LRRC4C: variants seen among roughly 807,000 people sequenced by gnomAD.
LRRC4C encodes leucine-rich repeat-containing protein 4C.
LRRC4C carries 5 observed loss-of-function variants against 33.6 expected under a neutral mutation model. The observed-to-expected ratio is 0.15, with a 90% CI of 0.08 to 0.31. The LOEUF (loss-of-function observed/expected upper bound fraction) is 0.31. Ranked by LOEUF, LRRC4C falls within the 10% of genes least tolerant of loss-of-function variation. The pLI, the probability that LRRC4C is intolerant of heterozygous loss-of-function variation, is 1.00. For synonymous variants in LRRC4C, 329 were observed against 302.0 expected, an observed-to-expected ratio of 1.09 and a Z score of -0.93; for missense variants, 560 against 796.7, an observed-to-expected ratio of 0.70 and a Z score of 3.58.
At chr11:40,796,457 C>T (rs190125693) in intron 2 of LRRC4C, among the ~76,000 whole-genome samples, 1 of 152,112 alleles carries the variant, frequency 6.6e-6, no homozygotes, top group East Asian at 1.9e-4. Flanking sequence ...CCACTTTAGC[C>T]AGATTCTGAA....
intron 2 of LRRC4C, among the ~76,000 whole-genome samples, chr11:40,914,859 T>C (rs1173375663): frequency 6.6e-6 from 1 of 152,158 alleles, no homozygotes; most frequent in African/African-American, 2.4e-5. Flanking sequence ...AGTCTCAGGA[T>C]ACAAAATCAA....
chr11:41,450,930 T>C (rs887751210), intron 1 of LRRC4C, among the ~76,000 whole-genome samples: 3 of 152,118 alleles, frequency 2.0e-5, no homozygotes, highest in Non-Finnish European at 4.4e-5. Context: ...CAACCACAAA[T>C]TCCTCAGGGA....
intron 1 of LRRC4C, among the ~76,000 whole-genome samples, chr11:41,004,628 T>C (rs1854607107): frequency 6.6e-6 from 1 of 152,182 alleles, no homozygotes; most frequent in Non-Finnish European, 1.5e-5. Flanking sequence ...CACATCACCA[T>C]GACCTACATA....
chr11:40,749,584 C>A (rs1948588411), intron 2 of LRRC4C, among the ~76,000 whole-genome samples: 1 of 146,962 alleles, frequency 6.8e-6, no homozygotes. Flanking sequence ...CAAGAATAAA[C>A]CAAAGCCAAA....
At chr11:40,963,098 G>C (rs1851084277) in intron 1 of LRRC4C, among the ~76,000 whole-genome samples, 1 of 151,676 alleles carries the variant, frequency 6.6e-6, no homozygotes, top group South Asian at 2.1e-4. Context: ...GGAGTGATCA[G>C]ATTGCAGTCT....
In LRRC4C at chr11:40,362,341, G is replaced by C. The variant is rs138973701; in HGVS notation, c.-269-42620C>G. On this transcript the variant is annotated intron_variant, in intron 3 of 6. Coordinates refer to ENST00000528697, the MANE Select transcript of LRRC4C (RefSeq NM_001258419.2). ...TAAACAGACAACCTATAGAATGGTAGAAAAAAATTTGCAAATTATACATCT... is the reference window on the plus strand; with the variant it reads ...TAAACAGACAACCTATAGAATGGTACAAAAAAATTTGCAAATTATACATCT... Among the ~76,000 whole-genome samples the C allele has an allele frequency of 9.0e-4, 137 of 151,876 alleles. No homozygotes were observed. In the Middle Eastern group the frequency reaches 0.01, roughly 11 times the overall value.
chr11:41,059,420 G>A (rs1026019987), intron 1 of LRRC4C, among the ~76,000 whole-genome samples: 1 of 151,828 alleles, frequency 6.6e-6, no homozygotes, highest in Non-Finnish European at 1.5e-5. Flanking sequence ...TCCAGAAGAT[G>A]GCTGATAGAT....
At chr11:41,187,547 G>A (rs1326133692) in intron 1 of LRRC4C, among the ~76,000 whole-genome samples, 1 of 152,112 alleles carries the variant, frequency 6.6e-6, no homozygotes, top group East Asian at 1.9e-4. Flanking sequence ...CTTGCTGAGA[G>A]CTACTGCTCA....
intron 1 of LRRC4C, among the ~76,000 whole-genome samples, chr11:41,427,252 G>C (rs1207769508): frequency 6.6e-6 from 1 of 152,046 alleles, no homozygotes; most frequent in Non-Finnish European, 1.5e-5. Context: ...ATTTAGTAGA[G>C]ATTTTATTTT....
At chr11:40,917,772 C>T (rs972173514) in intron 2 of LRRC4C, among the ~76,000 whole-genome samples, 2 of 152,030 alleles carry the variant, frequency 1.3e-5, no homozygotes, top group Non-Finnish European at 1.5e-5. Context: ...AAGAGGCCAC[C>T]ATTTACATAA....
At chr11:40,655,127 G>C (rs1943034280) in intron 2 of LRRC4C, among the ~76,000 whole-genome samples, 1 of 151,922 alleles carries the variant, frequency 6.6e-6, no homozygotes, top group Non-Finnish European at 1.5e-5. Flanking sequence ...ACTAATATAG[G>C]GTCCCTTTTC....
chr11:40,228,558 T>C (rs1361247857), intron 5 of LRRC4C, among the ~76,000 whole-genome samples: 1 of 152,224 alleles, frequency 6.6e-6, no homozygotes, highest in Non-Finnish European at 1.5e-5. Flanking sequence ...TCATCTGGTT[T>C]ACAGAAAGCA....
intron 1 of LRRC4C, among the ~76,000 whole-genome samples, chr11:41,261,593 ATAGT>A (rs1219333159): frequency 6.6e-6 from 1 of 152,104 alleles, no homozygotes; most frequent in Non-Finnish European, 1.5e-5. Flanking sequence ...AATACTATTA[ATAGT>A]TATTTATTTT....
chr11:41,348,982 C>T (rs1186153110), intron 1 of LRRC4C, among the ~76,000 whole-genome samples: 1 of 152,150 alleles, frequency 6.6e-6, no homozygotes, highest in Non-Finnish European at 1.5e-5. Flanking sequence ...TGCCCATACC[C>T]CAAAGATTGT....
At chr11:40,546,852 C>G (rs539420143) in intron 3 of LRRC4C, among the ~76,000 whole-genome samples, 2 of 152,114 alleles carry the variant, frequency 1.3e-5, no homozygotes, top group Non-Finnish European at 2.9e-5. Context: ...AGAGGCTTGA[C>G]TAACACTGCA....
At chr11:40,490,566 G>T (rs979717562) in intron 3 of LRRC4C, among the ~76,000 whole-genome samples, 3 of 152,038 alleles carry the variant, frequency 2.0e-5, no homozygotes, top group Non-Finnish European at 2.9e-5. Context: ...TCTAACTTTG[G>T]TCTCCACTTT....
At chr11:40,729,553 G>T in intron 2 of LRRC4C, among the ~76,000 whole-genome samples, 1 of 152,102 alleles carries the variant, frequency 6.6e-6, no homozygotes, top group East Asian at 1.9e-4. Context: ...ATGGAGGTAA[G>T]ATCATTCCCC....
At chr11:40,582,275 A>G (rs1958502151) in intron 3 of LRRC4C, among the ~76,000 whole-genome samples, 1 of 152,194 alleles carries the variant, frequency 6.6e-6, no homozygotes, top group Non-Finnish European at 1.5e-5. Flanking sequence ...TCACAAAATT[A>G]CAATCCAGAT....
intron 1 of LRRC4C, among the ~76,000 whole-genome samples, chr11:41,358,368 A>C (rs1952234808): frequency 6.6e-6 from 1 of 152,160 alleles, no homozygotes; most frequent in African/African-American, 2.4e-5. Context: ...ATGACACTAC[A>C]GTCATGATCC....
Sources: allele counts gnomAD v4.1 joint callset (sites outside exome capture counted in the v4.1 genomes callset), GRCh38; gene constraint gnomAD v4.1.1; transcripts MANE v1.5; gene names NCBI Gene and HGNC (gene_info 2026-07-23, HGNC 2026-07-21).